PLA2G5: variants seen among roughly 807,000 people sequenced by gnomAD.
PLA2G5 encodes the protein Ca2+-dependent phospholipase A2.
In PLA2G5, 12 loss-of-function variants were observed where a neutral mutation model predicts 15.9. That is an observed-to-expected ratio of 0.76 (90% confidence interval 0.48 to 1.23). The LOEUF is 1.23. Among genes scored for constraint, PLA2G5 ranks in the 50% most tolerant of loss-of-function variants. PLA2G5 has a pLI of 0.00. For missense variants in PLA2G5, 169 were observed against 177.1 expected (o/e 0.95, Z 0.26); for synonymous variants, 71 against 71.4 (o/e 0.99, Z 0.03).
At chr1:20,082,972 A>G (rs1474646274) in intron 1 of PLA2G5, among the ~76,000 whole-genome samples, 2 of 151,952 alleles carry the variant, frequency 1.3e-5, no homozygotes, top group African/African-American at 4.9e-5. Context: ...TGAACAAGTG[A>G]CTGTTTAAAA....
chr1:20,090,742 A>G lies in PLA2G5; in HGVS notation c.*50A>G. ...ACCAAGACTTTTGTTCTGTTTTTCT[A>G]CAACACAGAGTACTGACTCTGCCTG... On this transcript the variant is annotated 3_prime_UTR_variant, in exon 5 of 5. Transcript: ENST00000375108. The G allele has an allele frequency of 6.3e-7, 1 of 1,594,888 alleles. No individual in the cohort carries two copies. Among genetic ancestry groups the G allele is most frequent in the Non-Finnish European group, 8.6e-7 (1 of 1,162,910 alleles).
At chr1:20,042,865 T>C (rs1458894269) in intron 1 of PLA2G5, among the ~76,000 whole-genome samples, 1 of 152,074 alleles carries the variant, frequency 6.6e-6, no homozygotes, top group Non-Finnish European at 1.5e-5. Flanking sequence ...TGGAGGGAGA[T>C]ACGCAATATT....
intron 2 of PLA2G5, chr1:20,063,603 GT>G (rs1365471421): frequency 6.6e-6 from 1 of 152,254 alleles, no homozygotes; most frequent in African/African-American, 2.4e-5. Context: ...GATGAGCATG[GT>G]AGGTGCAGAG....
At chr1:20,059,426 A>G (rs975600717) in intron 1 of PLA2G5, among the ~76,000 whole-genome samples, 1 of 152,050 alleles carries the variant, frequency 6.6e-6, no homozygotes, top group Non-Finnish European at 1.5e-5. Context: ...CTGTCTAAAA[A>G]AAAAAAGAGA....
upstream of PLA2G5, chr1:20,068,809 T>C: frequency 4.4e-6 from 2 of 454,098 alleles, no homozygotes; most frequent in Non-Finnish European, 7.3e-6. Context: ...GCTTACAGAA[T>C]ATATTTGCAA....
At chr1:20,068,794 G>T, upstream of PLA2G5, 1 of 394,212 alleles carries the variant, frequency 2.5e-6, no homozygotes. Flanking sequence ...AAAGACAACT[G>T]GCATGCTTAC....
chr1:20,090,047 G>C (rs2016492661), intron 4 of PLA2G5, 152 bp downstream of exon 4: 3 of 623,310 alleles, frequency 4.8e-6, no homozygotes, highest in Admixed American at 2.9e-5. Flanking sequence ...AGCTGTATCA[G>C]ACCCCCAGGG....
chr1:20,030,750 G>A (rs112335615), intron 1 of PLA2G5, among the ~76,000 whole-genome samples: 4 of 152,208 alleles, frequency 2.6e-5, no homozygotes, highest in Non-Finnish European at 2.9e-5. Context: ...CTGGGTACTC[G>A]AAACTAGAGA....
intron 1 of PLA2G5, among the ~76,000 whole-genome samples, chr1:20,083,486 G>A (rs2016133653): frequency 6.6e-6 from 1 of 151,860 alleles, no homozygotes; most frequent in Admixed American, 6.5e-5. Flanking sequence ...CCGAGCTGTG[G>A]ACAAACAAGG....
At chr1:20,065,603 A>G (rs2014974051), upstream of PLA2G5, among the ~76,000 whole-genome samples, 2 of 152,036 alleles carry the variant, frequency 1.3e-5, no homozygotes, top group African/African-American at 4.8e-5. Flanking sequence ...TTTCTTTTTG[A>G]TAGCTTATTT....
At chr1:20,087,313 G>A (rs2016339958) in intron 3 of PLA2G5, among the ~76,000 whole-genome samples, 1 of 152,112 alleles carries the variant, frequency 6.6e-6, no homozygotes, top group Non-Finnish European at 1.5e-5. Flanking sequence ...CTGGTTCCAG[G>A]ACCCCTGTGA....
At chr1:20,043,039 G>A (rs188813488) in intron 1 of PLA2G5, among the ~76,000 whole-genome samples, 2 of 152,226 alleles carry the variant, frequency 1.3e-5, no homozygotes, top group Admixed American at 1.3e-4. Flanking sequence ...AATGGGGGCT[G>A]TTCCTGAAGC....
At chr1:20,061,089 C>T (rs932778189) in intron 2 of PLA2G5, among the ~76,000 whole-genome samples, 6 of 152,296 alleles carry the variant, frequency 3.9e-5, no homozygotes, top group East Asian at 3.9e-4. Context: ...CTGGTGATTC[C>T]GGACCTCCTC....
chr1:20,049,275 TAAAAAG>T (rs2014066043), intron 1 of PLA2G5, among the ~76,000 whole-genome samples: 1 of 152,114 alleles, frequency 6.6e-6, no homozygotes, highest in Non-Finnish European at 1.5e-5. Context: ...GGATTTATTT[TAAAAAG>T]CTTTTACACG....
chr1:20,087,904 A>G (rs1349481732), intron 3 of PLA2G5, among the ~76,000 whole-genome samples: 2 of 152,204 alleles, frequency 1.3e-5, no homozygotes, highest in East Asian at 3.8e-4. Context: ...TTTAGCAACA[A>G]AATAAATGGC....
At chr1:20,087,564 C>T (rs534771828) in intron 3 of PLA2G5, among the ~76,000 whole-genome samples, 1 of 151,754 alleles carries the variant, frequency 6.6e-6, no homozygotes, top group Non-Finnish European at 1.5e-5. Context: ...CAAATAGAAA[C>T]ATTCTTTTGC....
chr1:20,072,589 G>T (rs1336204458), intron 1 of PLA2G5, among the ~76,000 whole-genome samples: 1 of 152,174 alleles, frequency 6.6e-6, no homozygotes, highest in Non-Finnish European at 1.5e-5. Context: ...GTTAGGGGTG[G>T]TATAAGGCAA....
chr1:20,072,468 T>C (rs776472726), intron 1 of PLA2G5, among the ~76,000 whole-genome samples: 1 of 151,432 alleles, frequency 6.6e-6, no homozygotes, highest in Non-Finnish European at 1.5e-5. Context: ...GAATAACAGA[T>C]GAAAAGGGAA....
intron 2 of PLA2G5, 116 bp from the exon 3 acceptor site, chr1:20,085,967 G>T (rs922836376): frequency 1.4e-5 from 13 of 953,852 alleles, no homozygotes; most frequent in African/African-American, 3.3e-5. Context: ...ATAAAAAAGA[G>T]ACATGCAGGT....
Sources: allele counts gnomAD v4.1 joint callset (sites outside exome capture counted in the v4.1 genomes callset), GRCh38; gene constraint gnomAD v4.1.1; transcripts MANE v1.5; gene names NCBI Gene and HGNC (gene_info 2026-07-23, HGNC 2026-07-21).